The following MRPL13 variants were observed in gnomAD, a reference collection of about 807,000 sequenced individuals.
MRPL13 encodes large ribosomal subunit protein uL13m.
MRPL13 carries 33 observed loss-of-function variants against 29.0 expected under a neutral mutation model. The ratio of observed to expected loss-of-function variants is 1.14; its 90% confidence interval spans 0.86 to 1.52. The LOEUF is 1.52. Ranked by LOEUF, MRPL13 falls within the 40% of genes most tolerant of loss-of-function variation. The probability of loss-of-function intolerance (pLI) is 0.00; values close to 1 mark genes in which losing one functional copy is unlikely to be tolerated. For missense variants in MRPL13, 227 were observed against 216.7 expected, an observed-to-expected ratio of 1.05 and a Z score of -0.30; for synonymous variants, 77 against 68.4, an observed-to-expected ratio of 1.13 and a Z score of -0.62.
intron 2 of MRPL13, among the ~76,000 whole-genome samples, chr8:120,432,691 A>G (rs1351841956): frequency 6.6e-6 from 1 of 152,044 alleles, no homozygotes; most frequent in African/African-American, 2.4e-5. Flanking sequence ...GTAAATTTAA[A>G]CTGCTACTCT....
intron 6 of MRPL13, among the ~76,000 whole-genome samples, chr8:120,398,486 C>T (rs962095367): frequency 3.9e-5 from 6 of 152,144 alleles, no homozygotes; most frequent in Non-Finnish European, 8.8e-5. Context: ...CCCCACAAAA[C>T]CCCACTGAAA....
intron 2 of MRPL13, among the ~76,000 whole-genome samples, chr8:120,435,154 T>C (rs138502806): frequency 1.3e-5 from 2 of 152,278 alleles, no homozygotes; most frequent in African/African-American, 4.8e-5. Flanking sequence ...TACTTACTAA[T>C]GCCATGTACC....
At chr8:120,443,049 T>G in intron 2 of MRPL13, 136 bp downstream of exon 2, 1 of 918,444 alleles carries the variant, frequency 1.1e-6, no homozygotes, top group Non-Finnish European at 1.5e-6. Context: ...GCTAGTATGG[T>G]TTCAGCAAGA....
chr8:120,398,189 G>C (rs115666538), intron 6 of MRPL13, among the ~76,000 whole-genome samples: 1 of 152,126 alleles, frequency 6.6e-6, no homozygotes, highest in South Asian at 2.1e-4. Context: ...CTCCTGACTG[G>C]GTGAGACCTC....
chr8:120,444,925 C>CCT (rs1372289041), intron 1 of MRPL13, 143 bp downstream of exon 1: 3 of 992,744 alleles, frequency 3.0e-6, no homozygotes, highest in Admixed American at 3.8e-5. Context: ...GACTGACGAC[C>CCT]CTCTTGTGCT....
At chr8:120,401,690 A>C (rs1353434306) in intron 6 of MRPL13, among the ~76,000 whole-genome samples, 6 of 152,048 alleles carry the variant, frequency 3.9e-5, no homozygotes, top group African/African-American at 1.4e-4. Context: ...AGGTATTCAA[A>C]TAGGGAGAGA....
intron 6 of MRPL13, among the ~76,000 whole-genome samples, chr8:120,400,791 A>C (rs1038563176): frequency 6.6e-6 from 1 of 151,924 alleles, no homozygotes; most frequent in African/African-American, 2.4e-5. Flanking sequence ...AGAGAGGAGA[A>C]TCAGACACAA....
At chr8:120,406,472 T>C (rs543312931) in intron 6 of MRPL13, among the ~76,000 whole-genome samples, 1 of 152,240 alleles carries the variant, frequency 6.6e-6, no homozygotes, top group East Asian at 1.9e-4. Context: ...GGTCCTGCTG[T>C]GGGCGCCGGG....
At chr8:120,443,362 T>TA in intron 1 of MRPL13, 54 bp from the exon 2 acceptor site, 1 of 1,383,018 alleles carries the variant, frequency 7.2e-7, no homozygotes, top group Non-Finnish European at 9.6e-7. Context: ...TAATTATCAT[T>TA]AAAATGGAAA....
chr8:120,432,082 T>C lies in MRPL13; in HGVS notation c.193A>G (p.Ile65Val), dbSNP rs372618286. 1.4e-5 allele frequency: 23 copies of C among 1,608,682 alleles called. No homozygotes were observed. The highest frequency in any genetic ancestry group is 1.9e-5 in the Non-Finnish European group (22 of 1,177,552). Reference sequence around the variant, plus strand: ...TCCCATTTGTTTCCAGAAAATGCAATGTGTCTTGTGTTCATTATAACAACA... The same window carrying C: ...TCCCATTTGTTTCCAGAAAATGCAACGTGTCTTGTGTTCATTATAACAACA... ...DHVVIMNTRH[I>V]AFSGNKWEQK... Residue 65 changes from isoleucine to valine, a missense_variant, in exon 3 of 7, where the codon ATT becomes GTT. Transcript: ENST00000306185.
chr8:120,428,425 C>T (rs1031277725), intron 3 of MRPL13, among the ~76,000 whole-genome samples: 4 of 152,084 alleles, frequency 2.6e-5, no homozygotes, highest in African/African-American at 4.8e-5. Context: ...ATTAAGAACA[C>T]AGGCATGGGC....
intron 5 of MRPL13, chr8:120,415,958 T>C (rs1563773181): frequency 6.6e-6 from 1 of 152,242 alleles, no homozygotes; most frequent in Middle Eastern, 3.2e-3. Flanking sequence ...GCGTAGAGCA[T>C]GTGGAACACA....
At position 120,413,215 on chromosome 8, in the gene MRPL13, A is replaced by C. The variant is rs563100284; in HGVS notation, c.515+776T>G. Among the ~76,000 whole-genome samples, 6 of 152,342 alleles carry C rather than the reference A, an allele frequency of 3.9e-5. 1 individual carries two copies. The highest frequency in any genetic ancestry group is 1.2e-4 in the African/African-American group (5 of 41,598). Reference sequence around the variant, plus strand: ...AAAAGTCTTAATTAATTTATTCAATAAATACTGGCTGAGTGTCTATTTAAT... The same window carrying C: ...AAAAGTCTTAATTAATTTATTCAATCAATACTGGCTGAGTGTCTATTTAAT... On this transcript the variant is annotated intron_variant, in intron 6 of 6. Transcript: ENST00000306185.
intron 1 of MRPL13, among the ~76,000 whole-genome samples, chr8:120,444,294 C>T (rs1813170838): frequency 6.6e-6 from 1 of 152,118 alleles, no homozygotes; most frequent in Non-Finnish European, 1.5e-5. Flanking sequence ...ATACTTGGAG[C>T]GGCACTGAGT....
Position 120,404,544 on chromosome 8 carries a change from G to A in MRPL13, c.516-8419C>T, listed in dbSNP as rs577702633. Among the ~76,000 whole-genome samples, 12 of 152,204 alleles carry A rather than the reference G, an allele frequency of 7.9e-5. No individual in the cohort carries two copies. In the South Asian group the frequency reaches 2.5e-3, roughly 32 times the overall value. On this transcript the variant is annotated intron_variant, in intron 6 of 6. Coordinates refer to ENST00000306185, the MANE Select transcript of MRPL13 (RefSeq NM_014078.6). ...CAACAATTCCTTTCTAACACAGACT[G>A]GGCTCCTTTCTCTAGGATTGCCAGA...
chr8:120,402,955 T>C (rs1812617498), intron 6 of MRPL13, among the ~76,000 whole-genome samples: 1 of 152,066 alleles, frequency 6.6e-6, no homozygotes, highest in Admixed American at 6.5e-5. Flanking sequence ...TGAGATACCA[T>C]CTCATGCCAG....
chr8:120,435,438 T>C (rs528752947), intron 2 of MRPL13, among the ~76,000 whole-genome samples: 1 of 152,212 alleles, frequency 6.6e-6, no homozygotes, highest in East Asian at 1.9e-4. Flanking sequence ...TAACTCCCAC[T>C]TATAAGTGAG....
Position 120,428,175 on chromosome 8 carries a change from C to A in MRPL13, c.246-2809G>T, listed in dbSNP as rs188588961. On this transcript the variant is annotated intron_variant, in intron 3 of 6. Coordinates refer to ENST00000306185, the MANE Select transcript of MRPL13 (RefSeq NM_014078.6). ...AGACACATACACCAGTGGAAAAAAA[C>A]CCAGAAATAAGACCACACACCTACA... 2.4e-4 allele frequency among the ~76,000 whole-genome samples: 35 copies of A among 147,042 alleles called. 2 individuals are homozygous for A. The East Asian group carries it at 6.1e-3, about 26-fold the overall frequency.
chr8:120,414,183 A>G (rs1812775242), intron 5 of MRPL13, 71 bp from the exon 6 acceptor site: 12 of 1,073,520 alleles, frequency 1.1e-5, no homozygotes, highest in African/African-American at 3.5e-5. Context: ...CTAATACTTC[A>G]TAAGTGTTAA....
Sources: allele counts gnomAD v4.1 joint callset (sites outside exome capture counted in the v4.1 genomes callset), GRCh38; gene constraint gnomAD v4.1.1; transcripts MANE v1.5; gene names NCBI Gene and HGNC (gene_info 2026-07-23, HGNC 2026-07-21).